SLC35F4: variants seen among roughly 807,000 people sequenced by gnomAD.
SLC35F4 encodes chromosome 14 open reading frame 36.
A neutral mutation model predicts 44.2 loss-of-function variants in SLC35F4; 24 were observed. That is an observed-to-expected ratio of 0.54 (90% CI 0.39 to 0.76). The LOEUF (loss-of-function observed/expected upper bound fraction) is 0.76. Ranked by LOEUF, SLC35F4 falls within the 30% of genes least tolerant of loss-of-function variation. The pLI is 0.00. For synonymous variants in SLC35F4, 238 were observed against 223.6 expected (o/e 1.06, Z -0.57); for missense variants, 562 against 586.1 (o/e 0.96, Z 0.42).
chr14:57,818,608 T>G (rs941376368), intron 1 of SLC35F4, among the ~76,000 whole-genome samples: 1 of 152,124 alleles, frequency 6.6e-6, no homozygotes, highest in African/African-American at 2.4e-5. Context: ...TCACATTAAA[T>G]GTGAAATCTC....
chr14:57,770,111 G>C (rs1034615212), intron 1 of SLC35F4, among the ~76,000 whole-genome samples: 1 of 152,116 alleles, frequency 6.6e-6, no homozygotes, highest in Non-Finnish European at 1.5e-5. Context: ...GGTTCCAGGT[G>C]ACTCCTCTGG....
chr14:57,683,676 A>T (rs1202714621), intron 1 of SLC35F4, among the ~76,000 whole-genome samples: 1 of 152,104 alleles, frequency 6.6e-6, no homozygotes, highest in African/African-American at 2.4e-5. Context: ...TTTTGTGACA[A>T]ATTTCCTGTC....
intron 1 of SLC35F4, among the ~76,000 whole-genome samples, chr14:57,724,020 G>T (rs1406687949): frequency 1.3e-5 from 2 of 152,132 alleles, no homozygotes. Context: ...GTTGCATTTG[G>T]CCCCTTCTAC....
At chr14:57,666,374 G>A (rs62004029) in intron 1 of SLC35F4, among the ~76,000 whole-genome samples, 9,182 of 152,206 alleles carry the variant, frequency 0.06, 406 homozygotes, top group South Asian at 0.092. Context: ...ATGACCTTTA[G>A]GTTTCCAGGA....
chr14:57,807,543 A>T (rs1191789967), intron 1 of SLC35F4, among the ~76,000 whole-genome samples: 2 of 151,920 alleles, frequency 1.3e-5, no homozygotes, highest in African/African-American at 2.4e-5. Context: ...GTAGCAAAAC[A>T]CTATACTTGC....
At chr14:57,664,098 A>G (rs968906184) in intron 1 of SLC35F4, among the ~76,000 whole-genome samples, 5 of 152,164 alleles carry the variant, frequency 3.3e-5, no homozygotes, top group Middle Eastern at 3.2e-3. Flanking sequence ...TAATAGGACA[A>G]TGAGGACAAT....
At chr14:57,743,635 C>T (rs1357891438) in intron 1 of SLC35F4, among the ~76,000 whole-genome samples, 1 of 152,188 alleles carries the variant, frequency 6.6e-6, no homozygotes, top group African/African-American at 2.4e-5. Context: ...CAGCCGAATT[C>T]TACCAGAGGT....
chr14:57,775,711 C>T (rs2077472171), intron 1 of SLC35F4, among the ~76,000 whole-genome samples: 1 of 152,228 alleles, frequency 6.6e-6, no homozygotes. Context: ...AGAACCAGCA[C>T]AAAAACTCTG....
intron 1 of SLC35F4, among the ~76,000 whole-genome samples, chr14:57,762,690 G>C (rs368730016): frequency 6.6e-6 from 1 of 152,068 alleles, no homozygotes; most frequent in African/African-American, 2.4e-5. Context: ...ATGGGAGTGG[G>C]TTCTTGATAA....
intron 1 of SLC35F4, among the ~76,000 whole-genome samples, chr14:57,610,660 A>T (rs1555558): frequency 2.6e-5 from 4 of 151,776 alleles, no homozygotes; most frequent in African/African-American, 9.7e-5. Flanking sequence ...ACCATGCTTT[A>T]TGTGCTTGTG....
intron 1 of SLC35F4, among the ~76,000 whole-genome samples, chr14:57,934,474 TA>T (rs1462079841): frequency 1.3e-5 from 2 of 151,962 alleles, no homozygotes; most frequent in East Asian, 3.9e-4. Flanking sequence ...CCATAGTCAG[TA>T]AAAGTCACCC....
chr14:57,744,753 T>C (rs1413876393), intron 1 of SLC35F4, among the ~76,000 whole-genome samples: 1 of 152,144 alleles, frequency 6.6e-6, no homozygotes, highest in East Asian at 1.9e-4. Context: ...TTAAAGTTCA[T>C]ATGGAACCAA....
chr14:57,678,212 C>T lies in SLC35F4; in HGVS notation c.104-84088G>A, dbSNP rs902991827. Among the ~76,000 whole-genome samples, 8 of 151,994 alleles carry T rather than the reference C, an allele frequency of 5.3e-5. 1 individual carries two copies. The highest frequency in any genetic ancestry group is 1.9e-4 in the African/African-American group (8 of 41,324). On this transcript the variant is annotated intron_variant, in intron 1 of 7. Transcript: ENST00000556826. ...CTACAAGCCAGAAGAGAGTGGAGGG[C>T]CAATATTAAACATTTTTAAAGAAAA...
chr14:57,790,733 T>C (rs1052983594), intron 1 of SLC35F4, among the ~76,000 whole-genome samples: 2 of 152,160 alleles, frequency 1.3e-5, no homozygotes, highest in East Asian at 1.9e-4. Flanking sequence ...GACTTCAAAC[T>C]ATACCACAGG....
chr14:57,674,194 A>C (rs1451884113), intron 1 of SLC35F4, among the ~76,000 whole-genome samples: 1 of 152,130 alleles, frequency 6.6e-6, no homozygotes, highest in Non-Finnish European at 1.5e-5. Context: ...AATGGCTAAA[A>C]TAAAAAATAT....
chr14:57,717,913 T>A (rs2075984833), intron 1 of SLC35F4, among the ~76,000 whole-genome samples: 1 of 152,220 alleles, frequency 6.6e-6, no homozygotes, highest in African/African-American at 2.4e-5. Context: ...TGTTATTGAC[T>A]ATAGTCCTGC....
chr14:57,611,520 C>T (rs1052952201), intron 1 of SLC35F4, among the ~76,000 whole-genome samples: 1 of 149,534 alleles, frequency 6.7e-6, no homozygotes, highest in Non-Finnish European at 1.5e-5. Flanking sequence ...GGCCAGCAAA[C>T]GATATGGTAC....
chr14:57,712,186 T>C (rs1277002441), intron 1 of SLC35F4, among the ~76,000 whole-genome samples: 1 of 152,224 alleles, frequency 6.6e-6, no homozygotes, highest in Non-Finnish European at 1.5e-5. Context: ...ATTGCACTTT[T>C]TGAGAGGAAC....
intron 1 of SLC35F4, among the ~76,000 whole-genome samples, chr14:57,855,188 A>G (rs1407134524): frequency 6.6e-6 from 1 of 152,202 alleles, no homozygotes; most frequent in African/African-American, 2.4e-5. Context: ...TTCCCATTTT[A>G]TAGGAACAAA....
Sources: allele counts gnomAD v4.1 joint callset (sites outside exome capture counted in the v4.1 genomes callset), GRCh38; gene constraint gnomAD v4.1.1; transcripts MANE v1.5; gene names NCBI Gene and HGNC (gene_info 2026-07-23, HGNC 2026-07-21).